The following TIMM13 variants were observed in gnomAD, a reference collection of about 807,000 sequenced individuals.
The protein encoded by TIMM13 is mitochondrial import inner membrane translocase subunit Tim13.
Under a neutral mutation model 10.9 loss-of-function variants are expected in TIMM13, and 8 were observed. The observed-to-expected ratio is 0.73, with a 90% confidence interval of 0.43 to 1.32. The LOEUF (loss-of-function observed/expected upper bound fraction) is 1.32, where lower values mean the gene tolerates loss of function less well. Ranked by LOEUF, TIMM13 falls within the 40% of genes most tolerant of loss-of-function variation. The pLI, the probability that TIMM13 is intolerant of heterozygous loss-of-function variation, is 0.01. For missense variants in TIMM13, 147 were observed against 132.8 expected, an observed-to-expected ratio of 1.11 and a Z score of -0.53; for synonymous variants, 68 against 52.5, an observed-to-expected ratio of 1.30 and a Z score of -1.28.
Position 2,426,898 on chromosome 19 carries a change from C to T in TIMM13, c.*50G>A. The stretch of plus-strand genomic sequence containing the variant: ...GTACGTACATGCGGACCCCGCCTCT[C>T]AAAGCACGTTTATGGAAATGAACAG... On this transcript the variant is annotated 3_prime_UTR_variant, in exon 3 of 3. Coordinates refer to ENST00000215570, the MANE Select transcript of TIMM13 (RefSeq NM_012458.4). 1 of 1,536,790 alleles carries T rather than the reference C, an allele frequency of 6.5e-7. No homozygotes were observed. The highest frequency in any genetic ancestry group is 1.2e-5 in the South Asian group (1 of 84,150).
At position 2,426,587 on chromosome 19, in the gene TIMM13, G is replaced by T; in HGVS notation, c.*361C>A. ...CTCTCCGTCCTCCACCAATTTATTT[G>T]CCCATCCGCAGGAGGTGACAGCTCC... On this transcript the variant is annotated 3_prime_UTR_variant, in exon 3 of 3. Coordinates refer to ENST00000215570, the MANE Select transcript of TIMM13 (RefSeq NM_012458.4). The T allele has an allele frequency of 2.7e-6, 1 of 371,838 alleles. No individual in the cohort carries two copies. The highest frequency in any genetic ancestry group is 5.0e-6 in the Non-Finnish European group (1 of 201,998). The allele number at this position is 371,838 out of a possible 1,614,324, so 23.0% of individuals were successfully genotyped here. A position where few individuals can be genotyped will look rare whatever the true frequency, so the allele number is the denominator to read the frequency against.
Position 2,425,882 on chromosome 19 carries a change from G to A in TIMM13, c.*1066C>T, listed in dbSNP as rs370031460. 1.5e-5 allele frequency: 23 copies of A among 1,543,564 alleles called. No homozygotes were observed. Among genetic ancestry groups the A allele is most frequent in the Non-Finnish European group, 1.8e-5 (21 of 1,152,412 alleles). Reference sequence around the variant, plus strand: ...GGCCAATGACCCAAGGGCTGCTGTAGGGGAGGTACCGGCCTCTGAACCCCC... The same window carrying A: ...GGCCAATGACCCAAGGGCTGCTGTAAGGGAGGTACCGGCCTCTGAACCCCC... On this transcript the variant is annotated 3_prime_UTR_variant, in exon 3 of 3. Coordinates refer to ENST00000215570, the MANE Select transcript of TIMM13 (RefSeq NM_012458.4).
rs986894541 is a variant in TIMM13 at position 2,427,456 on chromosome 19, C to T, written c.78G>A (p.Val26=). 3 of 1,612,782 alleles carry T rather than the reference C, an allele frequency of 1.9e-6. No homozygotes were observed. The highest frequency in any genetic ancestry group is 2.7e-5 in the African/African-American group (2 of 74,934). The change falls in exon 1 of 3, where the codon GTG becomes GTA. Residue 26 remains valine (V), a synonymous_variant. Transcript: ENST00000215570. ...KLDPGLIMEQ[V]KVQIAVANAQ... ...CGTTGGCCACGGCGATCTGCACTTT[C>T]ACCTGCTCCATTATGAGCCCTGGGT...
Position 2,426,939 on chromosome 19 carries a change from G to T in TIMM13, c.*9C>A. On this transcript the variant is annotated 3_prime_UTR_variant, in exon 3 of 3. Transcript: ENST00000215570. ...AAATGAACAGGGTGGGGTGGCCCGC[G>T]CTCGCCGGTCACATGTTGGCTCGTT... 1 of 1,575,390 alleles carries T rather than the reference G, an allele frequency of 6.3e-7. No individual in the cohort carries two copies. Among genetic ancestry groups the T allele is most frequent in the South Asian group, 1.2e-5 (1 of 86,858 alleles).
Position 2,426,717 on chromosome 19 carries a change from G to A in TIMM13, c.*231C>T, listed in dbSNP as rs1971645005. On this transcript the variant is annotated 3_prime_UTR_variant, in exon 3 of 3. Transcript: ENST00000215570. ...GGGAATACCCCAAAGGCCTGAAGGA[G>A]GTGCCACTGGGCTGCCAGCACTTCA... 1 of 597,196 alleles carries A rather than the reference G, an allele frequency of 1.7e-6. No homozygotes were observed. The highest frequency in any genetic ancestry group is 3.0e-6 in the Non-Finnish European group (1 of 333,552). 37.0% of individuals were successfully genotyped at this position (597,196 alleles called of 1,614,324 possible). A position where few individuals can be genotyped will look rare whatever the true frequency, so the allele number is the denominator to read the frequency against.
At position 2,426,794 on chromosome 19, in the gene TIMM13, G is replaced by A. The variant is rs1397973156; in HGVS notation, c.*154C>T. ...AGATCCAAGCTGCACTGGCTGGCAG[G>A]GGGCAGGGCGGGGGGTGGCGAGGAC... On this transcript the variant is annotated 3_prime_UTR_variant, in exon 3 of 3. Coordinates refer to ENST00000215570, the MANE Select transcript of TIMM13 (RefSeq NM_012458.4). 3 of 764,642 alleles carry A rather than the reference G, an allele frequency of 3.9e-6. No individual in the cohort carries two copies. The highest frequency in any genetic ancestry group is 4.3e-6 in the Non-Finnish European group (2 of 464,698). 47.4% of individuals were successfully genotyped at this position (764,642 alleles called of 1,614,324 possible).
At chr19:2,427,156 C>A in intron 2 of TIMM13, 100 bp downstream of exon 2, 4 of 1,565,174 alleles carry the variant, frequency 2.6e-6, no homozygotes, top group Non-Finnish European at 3.5e-6. Flanking sequence ...GTGCAGTGAC[C>A]ACTCCGTCGC....
In TIMM13 at chr19:2,426,946, G is replaced by A. The variant is rs768129444; in HGVS notation, c.*2C>T. On this transcript the variant is annotated 3_prime_UTR_variant, in exon 3 of 3. Transcript: ENST00000215570. ...CAGGGTGGGGTGGCCCGCGCTCGCC[G>A]GTCACATGTTGGCTCGTTCCCGCTG... 28 of 1,587,436 alleles carry A rather than the reference G, an allele frequency of 1.8e-5. No individual in the cohort carries two copies. Among genetic ancestry groups the A allele is most frequent in the Non-Finnish European group, 2.2e-5 (26 of 1,167,724 alleles).
chr19:2,426,069 G>C lies in TIMM13; in HGVS notation c.*879C>G. ...GTGGCAGCTGTGAGAGGCTGGATAGGACAGCACATCCAGGAGTGACCACCA... is the reference window on the plus strand; with the variant it reads ...GTGGCAGCTGTGAGAGGCTGGATAGCACAGCACATCCAGGAGTGACCACCA... On this transcript the variant is annotated 3_prime_UTR_variant, in exon 3 of 3. Coordinates refer to ENST00000215570, the MANE Select transcript of TIMM13 (RefSeq NM_012458.4). The C allele has an allele frequency of 6.2e-7, 1 of 1,608,698 alleles. No homozygotes were observed. Among genetic ancestry groups the C allele is most frequent in the Non-Finnish European group, 8.5e-7 (1 of 1,178,264 alleles).
In TIMM13 at chr19:2,426,929, G is replaced by C. The variant is rs1441993277; in HGVS notation, c.*19C>G. 1 of 1,565,680 alleles carries C rather than the reference G, an allele frequency of 6.4e-7. No homozygotes were observed. The highest frequency in any genetic ancestry group is 8.7e-7 in the Non-Finnish European group (1 of 1,155,580). On this transcript the variant is annotated 3_prime_UTR_variant, in exon 3 of 3. Transcript: ENST00000215570. ...ACGTTTATGGAAATGAACAGGGTGGGGTGGCCCGCGCTCGCCGGTCACATG... is the reference window on the plus strand; with the variant it reads ...ACGTTTATGGAAATGAACAGGGTGGCGTGGCCCGCGCTCGCCGGTCACATG...
At position 2,427,051 on chromosome 19, in the gene TIMM13, G is replaced by A. The variant is rs750971701; in HGVS notation, c.190-5C>T. ...CATGCACATGGCGATGCACTTCTGCGGGAGCGGAGGGGCGCACGGCTCAGC... is the reference window on the plus strand; with the variant it reads ...CATGCACATGGCGATGCACTTCTGCAGGAGCGGAGGGGCGCACGGCTCAGC... On this transcript the variant is annotated splice_polypyrimidine_tract_variant and splice_region_variant and intron_variant, in intron 2 of 2. Coordinates refer to ENST00000215570, the MANE Select transcript of TIMM13 (RefSeq NM_012458.4). 6.2e-7 allele frequency: 1 copy of A among 1,606,870 alleles called. No individual in the cohort carries two copies. The highest frequency in any genetic ancestry group is 2.2e-5 in the East Asian group (1 of 44,562).
Position 2,425,950 on chromosome 19 carries a change from C to T in TIMM13, c.*998G>A. On this transcript the variant is annotated 3_prime_UTR_variant, in exon 3 of 3. Transcript: ENST00000215570. ...AGGGTGACGCTGGGGGACCCCTGGC[C>T]TGCAGGGAGCCCTCTGGACGGTGGG... The T allele has an allele frequency of 6.2e-7, 1 of 1,601,786 alleles. No homozygotes were observed. The highest frequency in any genetic ancestry group is 8.5e-7 in the Non-Finnish European group (1 of 1,176,124).
rs1391082537 is a variant in TIMM13, at chr19:2,426,509, GGACACGCGTCACCTCTTCCCAGA to G, written c.*416_*438del. On this transcript the variant is annotated 3_prime_UTR_variant, in exon 3 of 3. Transcript: ENST00000215570. ...GAGACCCTCCGAGCTGGGGTTCCAG[GGACACGCGTCACCTCTTCCCAGA>G]GACCCCTCAGGAGGGAAATAAAGAG... 3.5e-6 allele frequency: 1 copy of G among 282,786 alleles called. No individual in the cohort carries two copies. The highest frequency in any genetic ancestry group is 6.7e-6 in the Non-Finnish European group (1 of 148,534). The allele number at this position is 282,786 out of a possible 1,614,324, so 17.5% of individuals were successfully genotyped here.
chr19:2,427,279 CCCCAGGTTT>C lies in TIMM13; in HGVS notation c.157_165del (p.Lys53_Gly55del). 6.2e-7 allele frequency: 1 copy of C among 1,613,472 alleles called. No homozygotes were observed. The highest frequency in any genetic ancestry group is 8.5e-7 in the Non-Finnish European group (1 of 1,179,852). ...ACCTGCTCGGAGTTGTCCAGGGAGC[CCCCAGGTTT>C]CCCTATACACTTCCGGAAACACTTG... On this transcript the variant is annotated inframe_deletion, in exon 2 of 3. Transcript: ENST00000215570.
At position 2,426,398 on chromosome 19, in the gene TIMM13, G is replaced by A; in HGVS notation, c.*550C>T. On this transcript the variant is annotated 3_prime_UTR_variant, in exon 3 of 3. Coordinates refer to ENST00000215570, the MANE Select transcript of TIMM13 (RefSeq NM_012458.4). ...TGTCCCCCTTAGCCTTTGGGGCAGG[G>A]GTGGCAGCAGCAACACATTCCTCGT... The A allele has an allele frequency of 2.9e-6, 1 of 347,878 alleles. No individual in the cohort carries two copies. Among genetic ancestry groups the A allele is most frequent in the Non-Finnish European group, 5.3e-6 (1 of 189,662 alleles). 21.5% of individuals were successfully genotyped at this position (347,878 alleles called of 1,614,324 possible). A position where few individuals can be genotyped will look rare whatever the true frequency, so the allele number is the denominator to read the frequency against.
At position 2,426,631 on chromosome 19, in the gene TIMM13, C is replaced by CCAA. The variant is rs2145435570; in HGVS notation, c.*314_*316dup. 2.1e-6 allele frequency: 1 copy of CCAA among 474,642 alleles called. No homozygotes were observed. Among genetic ancestry groups the CCAA allele is most frequent in the African/African-American group, 2.0e-5 (1 of 50,956 alleles). 29.4% of individuals were successfully genotyped at this position (474,642 alleles called of 1,614,324 possible). On this transcript the variant is annotated 3_prime_UTR_variant, in exon 3 of 3. Transcript: ENST00000215570. ...CAGCTCCTGTGGTGTCTGACCACCCCCAACTCCGAAGTCCAGACAAGCTGT... is the reference window on the plus strand; with the variant it reads ...CAGCTCCTGTGGTGTCTGACCACCCCCAACAACTCCGAAGTCCAGACAAGCTGT...
In TIMM13 at chr19:2,427,338, C is replaced by T. The variant is rs1480549450; in HGVS notation, c.121-14G>A. 12 of 1,613,028 alleles carry T rather than the reference C, an allele frequency of 7.4e-6. No homozygotes were observed. The highest frequency in any genetic ancestry group is 1.0e-5 in the Non-Finnish European group (12 of 1,179,748). ...GTCCGTCATCCTCTGTGGAGACACG[C>T]GAGGCTTTAGCCGCGACGTCGGCCC... On this transcript the variant is annotated splice_polypyrimidine_tract_variant and intron_variant, in intron 1 of 2. Coordinates refer to ENST00000215570, the MANE Select transcript of TIMM13 (RefSeq NM_012458.4).
chr19:2,427,124 G>T, intron 2 of TIMM13, 78 bp from the exon 3 acceptor site: 1 of 1,572,668 alleles, frequency 6.4e-7, no homozygotes, highest in Non-Finnish European at 8.7e-7. Flanking sequence ...GCTCCAGGAC[G>T]CCCGGGCTGC....
At position 2,426,774 on chromosome 19, in the gene TIMM13, C is replaced by T. The variant is rs1276644400; in HGVS notation, c.*174G>A. 1.3e-5 allele frequency: 9 copies of T among 690,180 alleles called. No individual in the cohort carries two copies. Among genetic ancestry groups the T allele is most frequent in the South Asian group, 7.0e-5 (4 of 56,756 alleles). The allele number at this position is 690,180 out of a possible 1,614,324, so 42.8% of individuals were successfully genotyped here. ...CACAGGGCCCCACACCCCCGAGATC[C>T]AAGCTGCACTGGCTGGCAGGGGGCA... On this transcript the variant is annotated 3_prime_UTR_variant, in exon 3 of 3. Coordinates refer to ENST00000215570, the MANE Select transcript of TIMM13 (RefSeq NM_012458.4).
Sources: gnomAD v4.1 joint callset for allele counts on GRCh38, gnomAD v4.1.1 for gene constraint, MANE v1.5 for transcripts, NCBI Gene and HGNC (gene_info 2026-07-23, HGNC 2026-07-21) for gene names.